VPS13B: variants seen among roughly 807,000 people sequenced by gnomAD.
VPS13B encodes intermembrane lipid transfer protein VPS13B.
VPS13B carries 285 observed loss-of-function variants against 426.4 expected under a neutral mutation model. That is an observed-to-expected ratio of 0.67 (90% CI 0.61 to 0.74). The LOEUF (loss-of-function observed/expected upper bound fraction) is 0.74, where lower values mean the gene tolerates loss of function less well. Among genes scored for constraint, VPS13B ranks in the 30% least tolerant of loss-of-function variants. The pLI is 0.00. For synonymous variants in VPS13B, 1,676 were observed against 1,676.4 expected (o/e 1.00, Z 0.01); for missense variants, 4,537 against 4,782.6 (o/e 0.95, Z 1.51).
rs762315814 is a variant in VPS13B, at chr8:99,511,187, C to T, written c.4308C>T (p.Val1436=). The T allele has an allele frequency of 1.2e-6, 2 of 1,613,874 alleles. No individual in the cohort carries two copies. Among genetic ancestry groups the T allele is most frequent in the East Asian group, 4.5e-5 (2 of 44,874 alleles). ...ACACAAAAGCTGTAACAAAAAATGT[C>T]CGCCACAAGTTAACATCAAGAAATG... The part of the protein sequence containing the change: ...LTYTKAVTKN[V]RHKLTSRNER... The change falls in exon 29 of 62, where the codon GTC becomes GTT. Residue 1436 remains valine (V), a synonymous_variant. Coordinates refer to ENST00000357162, the MANE Select transcript of VPS13B (RefSeq NM_152564.5).
chr8:99,215,270 A>C (rs1815320496), intron 17 of VPS13B, among the ~76,000 whole-genome samples: 1 of 152,208 alleles, frequency 6.6e-6, no homozygotes, highest in South Asian at 2.1e-4. Flanking sequence ...AGGGTGTACA[A>C]ACTAGGAGAT....
chr8:99,752,023 G>A (rs369516531), intron 39 of VPS13B, among the ~76,000 whole-genome samples: 12 of 152,126 alleles, frequency 7.9e-5, no homozygotes, highest in Middle Eastern at 3.4e-3. Context: ...ATCTGTCTTC[G>A]TTGACTGTTT....
At chr8:99,112,700 T>C (rs2132486591) in intron 6 of VPS13B, among the ~76,000 whole-genome samples, 1 of 152,312 alleles carries the variant, frequency 6.6e-6, no homozygotes, top group East Asian at 1.9e-4. Flanking sequence ...AAATTGAAGA[T>C]ACATTGAAAG....
Position 99,876,267 on chromosome 8 carries a change from G to T in VPS13B, c.*601G>T. The T allele has an allele frequency of 1.3e-5, 2 of 154,330 alleles. No homozygotes were observed. Among genetic ancestry groups the T allele is most frequent in the Admixed American group, 1.3e-4 (2 of 15,776 alleles). 9.6% of individuals were successfully genotyped at this position (154,330 alleles called of 1,614,324 possible). ...TTAAATGAAATGCTTAGGACTTTGT[G>T]GCTTGTTACATTTGTCATTTAACTG... On this transcript the variant is annotated 3_prime_UTR_variant, in exon 62 of 62. Transcript: ENST00000357162.
At chr8:99,694,919 C>T (rs1481861291) in intron 35 of VPS13B, among the ~76,000 whole-genome samples, 44 of 151,902 alleles carry the variant, frequency 2.9e-4, no homozygotes, top group African/African-American at 9.7e-4. Context: ...AAAGAAGACA[C>T]TTATGCAGCC....
At chr8:99,014,109 T>TC (rs1841468129) in intron 2 of VPS13B, among the ~76,000 whole-genome samples, 174 bp downstream of exon 2, 1 of 140,506 alleles carries the variant, frequency 7.1e-6, no homozygotes, top group South Asian at 2.2e-4. Context: ...TTTCTTTCTT[T>TC]CTTTTTTTTT....
rs1813589831 is a variant in VPS13B, at chr8:99,809,509, A to G, written c.8076A>G (p.Gln2692=). 1 of 1,614,032 alleles carries G rather than the reference A, an allele frequency of 6.2e-7. No homozygotes were observed. The highest frequency in any genetic ancestry group is 8.5e-7 in the Non-Finnish European group (1 of 1,179,952). The change falls in exon 44 of 62, where the codon CAA becomes CAG. Residue 2692 remains glutamine (Q), a synonymous_variant. Coordinates refer to ENST00000357162, the MANE Select transcript of VPS13B (RefSeq NM_152564.5). ...RTASLIIKVQ[Q]LNGVQKQIII... ...CTTCTCTCATCATCAAGGTTCAGCA[A>G]CTCAATGGAGTACAAAAACAGGTAA...
At chr8:99,096,687 T>TG (rs1846440548) in intron 4 of VPS13B, among the ~76,000 whole-genome samples, 1 of 144,782 alleles carries the variant, frequency 6.9e-6, no homozygotes, top group African/African-American at 2.6e-5. Flanking sequence ...ACCTGGGAGG[T>TG]GGGGGTTACA....
intron 40 of VPS13B, among the ~76,000 whole-genome samples, chr8:99,767,428 A>T (rs533882570): frequency 7.0e-6 from 1 of 143,734 alleles, no homozygotes; most frequent in African/African-American, 2.6e-5. Context: ...GAATATTTTC[A>T]TCTTAATTGT....
At chr8:99,147,065 T>C (rs905778941) in intron 13 of VPS13B, among the ~76,000 whole-genome samples, 4 of 151,998 alleles carry the variant, frequency 2.6e-5, no homozygotes, top group Non-Finnish European at 5.9e-5. Context: ...TGTGTAATTT[T>C]AATCAGGAGG....
intron 23 of VPS13B, among the ~76,000 whole-genome samples, chr8:99,444,898 C>G (rs1283150097): frequency 1.3e-5 from 2 of 151,946 alleles, no homozygotes; most frequent in Non-Finnish European, 2.9e-5. Context: ...CCTGGGCTGC[C>G]TCAGCTTCCA....
rs1588029020 is a variant in VPS13B at position 99,094,921 on chromosome 8, A to C, written c.292-1391A>C. Reference sequence around the variant, plus strand: ...TTTGTGTTGGTATCTTTGATCTCTCACTCCACATGTGCATCTTTACTTCAA... The same window carrying C: ...TTTGTGTTGGTATCTTTGATCTCTCCCTCCACATGTGCATCTTTACTTCAA... On this transcript the variant is annotated intron_variant, in intron 3 of 61. Coordinates refer to ENST00000357162, the MANE Select transcript of VPS13B (RefSeq NM_152564.5). Among the ~76,000 whole-genome samples, 4 of 152,038 alleles carry C rather than the reference A, an allele frequency of 2.6e-5. No homozygotes were observed. In the South Asian group the frequency reaches 8.3e-4, roughly 32 times the overall value.
chr8:99,526,462 T>C (rs555149083), intron 30 of VPS13B, among the ~76,000 whole-genome samples: 2 of 152,260 alleles, frequency 1.3e-5, no homozygotes, highest in South Asian at 2.1e-4. Flanking sequence ...TAGTGGCGGC[T>C]TGGGCAAAGT....
chr8:99,235,417 T>TA (rs1451392813), intron 17 of VPS13B, among the ~76,000 whole-genome samples: 2 of 152,194 alleles, frequency 1.3e-5, no homozygotes, highest in Admixed American at 1.3e-4. Context: ...CGCAGCTTAG[T>TA]AGTGTGCTAT....
chr8:99,719,094 A>G (rs1471832175), intron 37 of VPS13B, among the ~76,000 whole-genome samples: 1 of 152,198 alleles, frequency 6.6e-6, no homozygotes, highest in Non-Finnish European at 1.5e-5. Context: ...AGAAATCTTC[A>G]TATATTTAGC....
intron 21 of VPS13B, among the ~76,000 whole-genome samples, chr8:99,419,828 ATTGT>A (rs1049812437): frequency 2.0e-5 from 3 of 152,182 alleles, no homozygotes; most frequent in African/African-American, 7.2e-5. Flanking sequence ...ATATCAATTG[ATTGT>A]TTGATCGAGT....
At chr8:99,735,983 T>G (rs920322242) in intron 39 of VPS13B, among the ~76,000 whole-genome samples, 2 of 152,200 alleles carry the variant, frequency 1.3e-5, no homozygotes, top group African/African-American at 2.4e-5. Flanking sequence ...TGGGTCGCAG[T>G]GGGCTTAATT....
intron 16 of VPS13B, among the ~76,000 whole-genome samples, chr8:99,184,257 A>G (rs955625133): frequency 6.6e-6 from 1 of 152,218 alleles, no homozygotes; most frequent in Non-Finnish European, 1.5e-5. Flanking sequence ...TGGTTGGATT[A>G]TATAGTAAAT....
At chr8:99,818,337 T>G in intron 45 of VPS13B, 114 bp from the exon 46 acceptor site, 1 of 1,133,536 alleles carries the variant, frequency 8.8e-7, no homozygotes, top group Non-Finnish European at 1.3e-6. Context: ...TAATGGCTTT[T>G]TCCCTAAACT....
Sources: gnomAD v4.1 joint callset for allele counts (sites outside exome capture counted in the v4.1 genomes callset) on GRCh38, gnomAD v4.1.1 for gene constraint, MANE v1.5 for transcripts, NCBI Gene and HGNC (gene_info 2026-07-23, HGNC 2026-07-21) for gene names.